AGTPBP1: variants seen among roughly 807,000 people sequenced by gnomAD.
The protein encoded by AGTPBP1 is ATP/GTP binding carboxypeptidase 1.
AGTPBP1 carries 70 observed loss-of-function variants against 143.9 expected under a neutral mutation model. The ratio of observed to expected loss-of-function variants is 0.49; its 90% CI spans 0.40 to 0.59. The LOEUF is 0.59. AGTPBP1 is among the 20% of genes least tolerant of loss of function. The pLI is 0.00. For missense variants in AGTPBP1, 1,229 were observed against 1,464.5 expected (o/e 0.84, Z 2.62); for synonymous variants, 463 against 500.2 (o/e 0.93, Z 0.99).
the AGTPBP1 span, chr9:85,805,267 CCCCG>C: frequency 5.3e-5 from 8 of 152,072 alleles, 1 homozygote; most frequent in East Asian, 1.5e-3. Flanking sequence ...ACGCGCCAGG[CCCCG>C]CCCCCGCCCC....
chr9:85,664,143 T>C (rs1212260260), intron 8 of AGTPBP1, among the ~76,000 whole-genome samples: 3 of 152,260 alleles, frequency 2.0e-5, no homozygotes, highest in African/African-American at 7.2e-5. Flanking sequence ...ATAGAAGGCA[T>C]TGTCATGACT....
chr9:85,726,091 G>A (rs1838466857), intron 1 of AGTPBP1, among the ~76,000 whole-genome samples: 1 of 146,084 alleles, frequency 6.8e-6, no homozygotes, highest in Admixed American at 6.8e-5. Context: ...AATAGCCAGT[G>A]TGGTGGCATG....
At position 85,679,404 on chromosome 9, in the gene AGTPBP1, G is replaced by GTTCTTTTTT. The variant is rs1430574890; in HGVS notation, c.226-1015_226-1007dup. On this transcript the variant is annotated intron_variant, in intron 4 of 25. Transcript: ENST00000357081. ...TTGTTGTTCCTTCCTAAATGAAGAA[G>GTTCTTTTTT]TTCTTTTTTTTCTTTTTTTTTGAGA... 2.0e-5 allele frequency among the ~76,000 whole-genome samples: 3 copies of GTTCTTTTTT among 151,872 alleles called. No homozygotes were observed. In the East Asian group the frequency reaches 5.8e-4, roughly 29 times the overall value.
At chr9:85,753,372 A>G in the AGTPBP1 span, 2 of 1,613,902 alleles carry the variant, frequency 1.2e-6, no homozygotes, top group Non-Finnish European at 1.7e-6. Context: ...TGATGCATGT[A>G]ACTTGAAAAG....
intron 1 of AGTPBP1, among the ~76,000 whole-genome samples, chr9:85,719,439 G>A (rs1394337390): frequency 6.6e-6 from 1 of 152,194 alleles, no homozygotes; most frequent in Non-Finnish European, 1.5e-5. Context: ...TTGTGAATGG[G>A]AGGTCACTCA....
chr9:85,689,157 G>T (rs1835680894), intron 3 of AGTPBP1, among the ~76,000 whole-genome samples: 2 of 151,764 alleles, frequency 1.3e-5, no homozygotes, highest in East Asian at 3.9e-4. Context: ...TTTTTTCAAT[G>T]TCTACAATAA....
the AGTPBP1 span, among the ~76,000 whole-genome samples, chr9:85,797,067 G>A: frequency 1.6e-4 from 25 of 152,198 alleles, no homozygotes; most frequent in Admixed American, 7.9e-4. Context: ...TTACAGGCAT[G>A]AGCCACTGCG....
the AGTPBP1 span, chr9:85,781,452 A>G: frequency 2.2e-6 from 3 of 1,342,648 alleles, no homozygotes; most frequent in South Asian, 3.6e-5. Context: ...GCCTTTACCA[A>G]TTGATTGGGT....
At chr9:85,736,331 TA>T (rs1823767283) in intron 1 of AGTPBP1, among the ~76,000 whole-genome samples, 1 of 152,216 alleles carries the variant, frequency 6.6e-6, no homozygotes, top group African/African-American at 2.4e-5. Flanking sequence ...TAATCATATG[TA>T]TTTATGAGGC....
the AGTPBP1 span, among the ~76,000 whole-genome samples, chr9:85,749,992 C>T: frequency 1.3e-5 from 2 of 151,808 alleles, no homozygotes; most frequent in Non-Finnish European, 2.9e-5. Flanking sequence ...TGCCATTCTC[C>T]TGCCTCAGCC....
chr9:85,582,413 A>G (rs1381075496), intron 23 of AGTPBP1, among the ~76,000 whole-genome samples: 1 of 152,192 alleles, frequency 6.6e-6, no homozygotes, highest in African/African-American at 2.4e-5. Flanking sequence ...GCGATGGCTC[A>G]TACCCATAAT....
At chr9:85,756,443 G>A in the AGTPBP1 span, among the ~76,000 whole-genome samples, 1 of 121,896 alleles carries the variant, frequency 8.2e-6, no homozygotes, top group African/African-American at 3.1e-5. Context: ...TCCTCAAAAG[G>A]CTAAACTTAG....
At chr9:85,594,175 C>G (rs1231439223) in intron 18 of AGTPBP1, among the ~76,000 whole-genome samples, 1 of 152,150 alleles carries the variant, frequency 6.6e-6, no homozygotes, top group Non-Finnish European at 1.5e-5. Context: ...ATGGCAGTTT[C>G]TAGTTTATAA....
chr9:85,568,025 G>C (rs1827218245), intron 25 of AGTPBP1, among the ~76,000 whole-genome samples: 1 of 152,166 alleles, frequency 6.6e-6, no homozygotes, highest in Non-Finnish European at 1.5e-5. Context: ...AAATCTTAAA[G>C]AAGTGGAGGC....
At chr9:85,787,860 T>C in the AGTPBP1 span, 1 of 152,336 alleles carries the variant, frequency 6.6e-6, no homozygotes, top group South Asian at 2.1e-4. Flanking sequence ...AATCCATTTT[T>C]TCTGATGTAG....
At chr9:85,689,464 C>G (rs1312179773) in intron 3 of AGTPBP1, among the ~76,000 whole-genome samples, 1 of 152,128 alleles carries the variant, frequency 6.6e-6, no homozygotes, top group African/African-American at 2.4e-5. Flanking sequence ...TATAAATTTC[C>G]ACTTTGGTAT....
chr9:85,741,183 A>T, intron 1 of AGTPBP1: 4 of 981,310 alleles, frequency 4.1e-6, no homozygotes, highest in Non-Finnish European at 4.8e-6. Context: ...GCTCAAGGCG[A>T]CAAGTTGTAA....
At chr9:85,647,092 A>AGGG (rs1472270562) in intron 11 of AGTPBP1, among the ~76,000 whole-genome samples, 3 of 152,328 alleles carry the variant, frequency 2.0e-5, no homozygotes, top group Middle Eastern at 3.4e-3. Context: ...GGCCTGACCA[A>AGGG]CATGGAGAAA....
the AGTPBP1 span, among the ~76,000 whole-genome samples, chr9:85,803,939 A>C: frequency 9.2e-5 from 14 of 152,156 alleles, 1 homozygote; most frequent in Admixed American, 8.5e-4. Flanking sequence ...ACCCACAATT[A>C]ATCAATCAGT....
Sources: gnomAD v4.1 joint callset for allele counts (sites outside exome capture counted in the v4.1 genomes callset) on GRCh38, gnomAD v4.1.1 for gene constraint, MANE v1.5 for transcripts, NCBI Gene and HGNC (gene_info 2026-07-23, HGNC 2026-07-21) for gene names.